The following FXYD1 variants were observed in gnomAD, a reference collection of about 807,000 sequenced individuals.
FXYD1 encodes the protein phospholemman.
In FXYD1, 9 loss-of-function variants were observed where a neutral mutation model predicts 17.2. That is an observed-to-expected ratio of 0.52 (90% CI 0.32 to 0.91). The LOEUF is 0.91. FXYD1 is among the 40% of genes least tolerant of loss of function. FXYD1 has a pLI of 0.04. For synonymous variants in FXYD1, 55 were observed against 45.8 expected, an observed-to-expected ratio of 1.20 and a Z score of -0.81; for missense variants, 113 against 120.6, an observed-to-expected ratio of 0.94 and a Z score of 0.29.
Position 35,142,487 on chromosome 19 carries a change from T to A in FXYD1, c.222T>A (p.Asp74Glu). 1 of 1,612,612 alleles carries A rather than the reference T, an allele frequency of 6.2e-7. No homozygotes were observed. The highest frequency in any genetic ancestry group is 1.7e-4 in the Middle Eastern group (1 of 6,050). Residue 74 changes from aspartate (D) to glutamate (E), a missense_variant, in exon 6 of 8, where the codon GAT (aspartate) becomes GAA (glutamate). Physicochemically the swap from Asp to Glu is conservative, Grantham distance 45. Coordinates refer to ENST00000351325, the MANE Select transcript of FXYD1 (RefSeq NM_021902.4). Reference sequence around the variant, plus strand: ...GTCTTCCCAGGACTGGGGAACCCGATGAAGAGGAGGGAACTTTCCGCAGCT... The same window carrying A: ...GTCTTCCCAGGACTGGGGAACCCGAAGAAGAGGAGGGAACTTTCCGCAGCT... ...FNQQQRTGEP[D>E]EEEGTFRSSI...
At chr19:35,141,645 C>T in intron 5 of FXYD1, 73 bp downstream of exon 5, 3 of 1,215,576 alleles carry the variant, frequency 2.5e-6, no homozygotes, top group South Asian at 2.5e-5. Flanking sequence ...CGGGGAGTAC[C>T]CCTGACCCGC....
intron 3 of FXYD1, 39 bp from the exon 4 acceptor site, chr19:35,141,093 T>G (rs377406329): frequency 7.6e-7 from 1 of 1,321,924 alleles, no homozygotes; most frequent in South Asian, 1.2e-5. Context: ...CTCCCTCCTG[T>G]CTTCCCTGCC....
chr19:35,141,078 CT>C, intron 3 of FXYD1, 53 bp from the exon 4 acceptor site: 1 of 1,104,736 alleles, frequency 9.1e-7, no homozygotes, highest in Non-Finnish European at 1.4e-6. Flanking sequence ...TACCCCTCTC[CT>C]ATTCTCCCTC....
At chr19:35,141,496 G>C in intron 4 of FXYD1, 40 bp from the exon 5 acceptor site, 1 of 1,577,414 alleles carries the variant, frequency 6.3e-7, no homozygotes, top group African/African-American at 1.4e-5. Context: ...GCGCCCGCCG[G>C]GAGGGAGCCT....
intron 3 of FXYD1, 74 bp downstream of exon 3, chr19:35,140,703 C>G (rs745789289): frequency 6.6e-5 from 79 of 1,202,410 alleles, no homozygotes; most frequent in Non-Finnish European, 9.3e-5. Flanking sequence ...CCCTCGCCCT[C>G]CCCCAGAGTC....
At chr19:35,138,349 C>T (rs1427255412), upstream of FXYD1, 1 of 151,834 alleles carries the variant, frequency 6.6e-6, no homozygotes, top group East Asian at 1.9e-4. Flanking sequence ...GGGATCTCAC[C>T]ACAGCAGATA....
At chr19:35,138,086 T>G, upstream of FXYD1, 1 of 152,176 alleles carries the variant, frequency 6.6e-6, no homozygotes, top group Non-Finnish European at 1.5e-5. Flanking sequence ...TTTGACTGTA[T>G]CTCTGTGTGG....
Position 35,141,549 on chromosome 19 carries a change from G to T in FXYD1, c.183G>T (p.Arg61=). The T allele has an allele frequency of 6.2e-7, 1 of 1,610,704 alleles. No individual in the cohort carries two copies. The highest frequency in any genetic ancestry group is 1.7e-5 in the Admixed American group (1 of 59,712). Residue 61 remains arginine, a synonymous_variant, in exon 5 of 8, where the codon CGG becomes CGT. Transcript: ENST00000351325. ...CCACGCCCACAGGCAGAAGATGCCGGTGCAAGTTCAACCAGCAGCAGAGGT... is the reference window on the plus strand; with the variant it reads ...CCACGCCCACAGGCAGAAGATGCCGTTGCAAGTTCAACCAGCAGCAGAGGT... ...GILIVLSRRC[R]CKFNQQQRTG...
chr19:35,140,930 C>T (rs1048368626), intron 3 of FXYD1: 18 of 382,096 alleles, frequency 4.7e-5, no homozygotes, highest in African/African-American at 3.7e-4. Context: ...CCTCCCTGTC[C>T]CCTCCCTCCC....
intron 1 of FXYD1, 143 bp from the exon 2 acceptor site, chr19:35,139,933 T>G: frequency 1.5e-6 from 1 of 678,630 alleles, no homozygotes; most frequent in Non-Finnish European, 2.6e-6. Context: ...GGATACCCGT[T>G]TCTCTAGCTT....
At chr19:35,142,831 G>A in intron 7 of FXYD1, 60 bp downstream of exon 7, 9 of 1,343,380 alleles carry the variant, frequency 6.7e-6, no homozygotes, top group African/African-American at 1.4e-5. Flanking sequence ...GGCGGGAGAG[G>A]GAGGGGGCCA....
rs577243868 is a variant in FXYD1, at chr19:35,142,871, G to A, written c.*30-46G>A. On this transcript the variant is annotated intron_variant, in intron 7 of 7. Coordinates refer to ENST00000351325, the MANE Select transcript of FXYD1 (RefSeq NM_021902.4). ...CCAGAGTTGAAGGGCGGCGAGGGGTGGGGCTGGACGTCCCCCCTCGCCTCT... is the reference window on the plus strand; with the variant it reads ...CCAGAGTTGAAGGGCGGCGAGGGGTAGGGCTGGACGTCCCCCCTCGCCTCT... 7.5e-5 allele frequency: 63 copies of A among 839,254 alleles called. No individual in the cohort carries two copies. In the African/African-American group the frequency reaches 1.0e-3, roughly 13 times the overall value. The allele number at this position is 839,254 out of a possible 1,614,324, so 52.0% of individuals were successfully genotyped here. A position where few individuals can be genotyped will look rare whatever the true frequency, so the allele number is the denominator to read the frequency against.
At chr19:35,140,538 T>C (rs374401291) in intron 2 of FXYD1, 59 bp from the exon 3 acceptor site, 10 of 1,505,914 alleles carry the variant, frequency 6.6e-6, no homozygotes, top group Non-Finnish European at 9.2e-6. Context: ...GGTCTCCTCA[T>C]GCCCCTCCCT....
intron 5 of FXYD1, 142 bp downstream of exon 5, chr19:35,141,714 C>A: frequency 1.5e-6 from 1 of 674,276 alleles, no homozygotes; most frequent in Non-Finnish European, 2.5e-6. Flanking sequence ...TGGCCCAAGC[C>A]TGGCCCTGGG....
chr19:35,140,575 C>T, intron 2 of FXYD1, 22 bp from the exon 3 acceptor site: 1 of 1,612,392 alleles, frequency 6.2e-7, no homozygotes, highest in African/African-American at 1.3e-5. Flanking sequence ...GCATTCAACC[C>T]CTGATTTCTC....
intron 4 of FXYD1, 146 bp from the exon 5 acceptor site, chr19:35,141,390 G>A: frequency 1.8e-6 from 1 of 547,746 alleles, no homozygotes. Flanking sequence ...CGCCTACCCT[G>A]CCTTGGTTCC....
intron 4 of FXYD1, 74 bp downstream of exon 4, chr19:35,141,280 G>GGT: frequency 3.5e-6 from 1 of 282,950 alleles, no homozygotes; most frequent in Non-Finnish European, 5.5e-6. Flanking sequence ...GCCTCTCCCT[G>GGT]GCCCCGCCTC....
intron 5 of FXYD1, 89 bp downstream of exon 5, chr19:35,141,661 G>C (rs775105498): frequency 9.6e-7 from 1 of 1,046,218 alleles, no homozygotes; most frequent in Non-Finnish European, 1.4e-6. Context: ...CCCGCAGCCC[G>C]ATCCCCGTCA....
chr19:35,142,780 G>A lies in FXYD1; in HGVS notation c.*29+9G>A, dbSNP rs1445461439. Reference sequence around the variant, plus strand: ...CGATGGAATCCGGCCAGGTGCTGCAGCTCTGACACGGCGGTGGGAGGGAAG... The same window carrying A: ...CGATGGAATCCGGCCAGGTGCTGCAACTCTGACACGGCGGTGGGAGGGAAG... On this transcript the variant is annotated intron_variant, in intron 7 of 7. Transcript: ENST00000351325. 1 of 1,603,202 alleles carries A rather than the reference G, an allele frequency of 6.2e-7. No homozygotes were observed. Among genetic ancestry groups the A allele is most frequent in the Admixed American group, 1.7e-5 (1 of 59,772 alleles).
Sources: gnomAD v4.1 joint callset for allele counts on GRCh38, gnomAD v4.1.1 for gene constraint, MANE v1.5 for transcripts, NCBI Gene and HGNC (gene_info 2026-07-23, HGNC 2026-07-21) for gene names.